The following SGCZ variants were observed in gnomAD, a reference collection of about 807,000 sequenced individuals.
SGCZ encodes the protein zeta-sarcoglycan.
A neutral mutation model predicts 41.3 loss-of-function variants in SGCZ; 40 were observed. The observed-to-expected ratio is 0.97, with a 90% CI of 0.75 to 1.26. SGCZ has a LOEUF of 1.26. SGCZ is among the 50% of genes most tolerant of loss of function. SGCZ has a pLI of 0.00. For synonymous variants in SGCZ, 206 were observed against 137.5 expected (o/e 1.50, Z -3.49); for missense variants, 552 against 369.8 (o/e 1.49, Z -4.04).
intron 1 of SGCZ, among the ~76,000 whole-genome samples, chr8:14,906,134 G>T (rs1402400934): frequency 6.6e-6 from 1 of 152,004 alleles, no homozygotes; most frequent in African/African-American, 2.4e-5. Flanking sequence ...AATTAAACAT[G>T]GGGCTAATTA....
At chr8:14,682,180 C>G (rs1286008394) in intron 1 of SGCZ, among the ~76,000 whole-genome samples, 1 of 151,786 alleles carries the variant, frequency 6.6e-6, no homozygotes, top group African/African-American at 2.4e-5. Context: ...ATTTGTTCGA[C>G]TAAAGAAATG....
intron 2 of SGCZ, among the ~76,000 whole-genome samples, chr8:14,376,170 G>T (rs1585423010): frequency 6.6e-6 from 1 of 151,908 alleles, no homozygotes; most frequent in Non-Finnish European, 1.5e-5. Context: ...AATTAGCCGG[G>T]CATGGTGGCG....
intron 2 of SGCZ, among the ~76,000 whole-genome samples, chr8:14,355,987 C>A (rs10090342): frequency 4.6e-5 from 7 of 152,134 alleles, no homozygotes; most frequent in African/African-American, 1.4e-4. Context: ...AGAAAATATT[C>A]TTCCAATTTT....
intron 1 of SGCZ, among the ~76,000 whole-genome samples, chr8:14,847,737 G>A (rs1218636080): frequency 1.3e-4 from 18 of 133,620 alleles, no homozygotes; most frequent in Middle Eastern, 3.7e-3. Flanking sequence ...GGAGGGAGGC[G>A]GGAGAGAGGG....
At chr8:15,186,851 G>A (rs1412985211) in intron 1 of SGCZ, among the ~76,000 whole-genome samples, 4 of 152,150 alleles carry the variant, frequency 2.6e-5, no homozygotes, top group African/African-American at 9.7e-5. Context: ...TTTTCAGCTA[G>A]TGGGTTTTTA....
At chr8:14,220,593 A>C (rs2054429) in intron 4 of SGCZ, among the ~76,000 whole-genome samples, 1 of 151,778 alleles carries the variant, frequency 6.6e-6, no homozygotes, top group African/African-American at 2.4e-5. Flanking sequence ...CAGCCTGACC[A>C]ACATGTTGAA....
At chr8:14,378,349 C>T (rs905613442) in intron 2 of SGCZ, among the ~76,000 whole-genome samples, 3 of 152,060 alleles carry the variant, frequency 2.0e-5, no homozygotes, top group African/African-American at 2.4e-5. Context: ...TAGGCAATAC[C>T]ATTCAGGACA....
chr8:14,233,665 A>C (rs191017063), intron 4 of SGCZ, among the ~76,000 whole-genome samples: 1 of 150,196 alleles, frequency 6.7e-6, no homozygotes, highest in African/African-American at 2.4e-5. Flanking sequence ...GATGGTGCAT[A>C]ATTTACATCC....
chr8:15,089,462 T>A (rs1325880707), intron 1 of SGCZ, among the ~76,000 whole-genome samples: 5 of 152,056 alleles, frequency 3.3e-5, no homozygotes, highest in Non-Finnish European at 7.4e-5. Flanking sequence ...CCTATATTCT[T>A]TTTTTTAATG....
At chr8:14,928,278 T>C (rs773682591) in intron 1 of SGCZ, among the ~76,000 whole-genome samples, 20 of 152,172 alleles carry the variant, frequency 1.3e-4, no homozygotes, top group Non-Finnish European at 2.5e-4. Context: ...GTTATGATCA[T>C]ACGCCATGGA....
intron 2 of SGCZ, among the ~76,000 whole-genome samples, chr8:14,432,950 C>T (rs1449089658): frequency 7.0e-6 from 1 of 142,746 alleles, no homozygotes; most frequent in Non-Finnish European, 1.5e-5. Flanking sequence ...AAAGCTTACT[C>T]ATGTAACCAA....
At chr8:14,762,832 C>T (rs1026867468) in intron 1 of SGCZ, among the ~76,000 whole-genome samples, 6 of 152,166 alleles carry the variant, frequency 3.9e-5, no homozygotes, top group African/African-American at 1.4e-4. Flanking sequence ...AGAGATATCT[C>T]TGTCTTCAAA....
At chr8:14,938,314 G>T (rs1027801493) in intron 1 of SGCZ, among the ~76,000 whole-genome samples, 5 of 152,044 alleles carry the variant, frequency 3.3e-5, no homozygotes, top group Admixed American at 1.3e-4. Flanking sequence ...AACTGTGCTG[G>T]TCTACTTATG....
chr8:15,235,182 A>C (rs1802081889), intron 1 of SGCZ, among the ~76,000 whole-genome samples: 2 of 152,120 alleles, frequency 1.3e-5, no homozygotes, highest in South Asian at 2.1e-4. Flanking sequence ...AAGCCAACCA[A>C]CTCCGCTAAA....
intron 1 of SGCZ, among the ~76,000 whole-genome samples, chr8:14,568,220 C>A (rs1196854549): frequency 2.6e-5 from 4 of 151,826 alleles, no homozygotes; most frequent in African/African-American, 4.8e-5. Context: ...ACATCACACA[C>A]TGGGGCCTGT....
At chr8:14,697,109 C>T (rs1808990242) in intron 1 of SGCZ, among the ~76,000 whole-genome samples, 1 of 151,898 alleles carries the variant, frequency 6.6e-6, no homozygotes, top group African/African-American at 2.4e-5. Context: ...CACCCCCATC[C>T]CATCTCCCTG....
chr8:15,181,703 G>C (rs1432049452), intron 1 of SGCZ, among the ~76,000 whole-genome samples: 1 of 152,136 alleles, frequency 6.6e-6, no homozygotes, highest in Non-Finnish European at 1.5e-5. Context: ...AGTCGCTAGG[G>C]CAAGAGGTCA....
intron 1 of SGCZ, among the ~76,000 whole-genome samples, chr8:15,153,686 G>C (rs1345461023): frequency 6.6e-6 from 1 of 152,022 alleles, no homozygotes; most frequent in African/African-American, 2.4e-5. Flanking sequence ...TCTTGTCCCT[G>C]CTCTCACCAT....
At chr8:14,604,280 C>T (rs62494842) in intron 1 of SGCZ, among the ~76,000 whole-genome samples, 24,018 of 152,034 alleles carry the variant, frequency 0.16, 2,329 homozygotes, top group Non-Finnish European at 0.21. Context: ...TTCAATTGAT[C>T]GTCAGTAACT....
Sources: gnomAD v4.1 joint callset for allele counts (sites outside exome capture counted in the v4.1 genomes callset) on GRCh38, gnomAD v4.1.1 for gene constraint, MANE v1.5 for transcripts, NCBI Gene and HGNC (gene_info 2026-07-23, HGNC 2026-07-21) for gene names.